PDE6C: variants seen among roughly 807,000 people sequenced by gnomAD.
PDE6C encodes the protein phosphodiesterase 6C.
Under a neutral mutation model 113.1 loss-of-function variants are expected in PDE6C, and 75 were observed. The ratio of observed to expected loss-of-function variants is 0.66; its 90% confidence interval spans 0.55 to 0.80. PDE6C has a LOEUF of 0.80. Ranked by LOEUF, PDE6C falls within the 30% of genes least tolerant of loss-of-function variation. The probability of loss-of-function intolerance (pLI) is 0.00; values close to 1 mark genes in which losing one functional copy is unlikely to be tolerated. For synonymous variants in PDE6C, 375 were observed against 363.7 expected (o/e 1.03, Z -0.35); for missense variants, 912 against 1,038.6 (o/e 0.88, Z 1.67).
intron 4 of PDE6C, among the ~76,000 whole-genome samples, chr10:93,623,116 A>G (rs528794893): frequency 5.5e-4 from 84 of 152,276 alleles, no homozygotes; most frequent in African/African-American, 1.9e-3. Flanking sequence ...AGCAGTTGTT[A>G]ATGTCAGTAT....
chr10:93,627,013 A>C, intron 7 of PDE6C, 142 bp downstream of exon 7: 1 of 734,068 alleles, frequency 1.4e-6, no homozygotes, highest in Admixed American at 2.1e-5. Flanking sequence ...CTGTAATCCC[A>C]GCACTTTGGG....
At chr10:93,652,350 C>T (rs2058613042) in intron 15 of PDE6C, among the ~76,000 whole-genome samples, 1 of 152,050 alleles carries the variant, frequency 6.6e-6, no homozygotes, top group African/African-American at 2.4e-5. Context: ...CTTTCAAGAA[C>T]CTCAGGTGTG....
chr10:93,635,140 G>A (rs1041232048), intron 9 of PDE6C, among the ~76,000 whole-genome samples: 1 of 151,904 alleles, frequency 6.6e-6, no homozygotes. Flanking sequence ...AATAATACTC[G>A]GAAAACAGGA....
chr10:93,613,056 G>A lies in PDE6C; in HGVS notation c.331G>A (p.Ala111Thr), dbSNP rs560963943. ...GTCCCGGAACGGCATACCTGAGGTG[G>A]CCTCTAGGTTGCTGGATGTCACCCC... is the stretch of plus-strand genomic sequence containing the variant. ...CRSRNGIPEVASRLLDVTPTS... is the reference protein window; with the variant it reads ...CRSRNGIPEVTSRLLDVTPTS... The change falls in exon 1 of 22, where the codon GCC becomes ACC. Residue 111 changes from alanine to threonine, a missense_variant. By Grantham distance (58) the Ala-to-Thr change is moderately conservative (BLOSUM62 0). Transcript: ENST00000371447. 2 of 1,614,114 alleles carry A rather than the reference G, an allele frequency of 1.2e-6. No individual in the cohort carries two copies. Among genetic ancestry groups the A allele is most frequent in the Non-Finnish European group, 1.7e-6 (2 of 1,180,058 alleles).
chr10:93,629,143 C>A (rs975610155), intron 7 of PDE6C, 115 bp from the exon 8 acceptor site: 25 of 868,174 alleles, frequency 2.9e-5, no homozygotes, highest in Middle Eastern at 2.2e-4. Flanking sequence ...CGCAAGCAGT[C>A]AAGAGCCGTG....
rs1437044272 is a variant in PDE6C, at chr10:93,635,659, C to T, written c.1413+19C>T. On this transcript the variant is annotated intron_variant, in intron 10 of 21. Transcript: ENST00000371447. ...CATTTTGGTAAGTGGGAAATTCAGT[C>T]CTGTGGACATAAGATGTTACCTAAC... The T allele has an allele frequency of 1.2e-6, 2 of 1,612,244 alleles. No homozygotes were observed. The highest frequency in any genetic ancestry group is 2.2e-5 in the East Asian group (1 of 44,846).
chr10:93,620,665 A>G lies in PDE6C; in HGVS notation c.514A>G (p.Thr172Ala), dbSNP rs1206938395. ...SHFSDFMDKQ[T>A]GYVTKNLLAT... Reference sequence around the variant, plus strand: ...TTTTTCTGACTTCATGGACAAGCAAACTGGGTATGTCACTAAGAACCTGCT... The same window carrying G: ...TTTTTCTGACTTCATGGACAAGCAAGCTGGGTATGTCACTAAGAACCTGCT... Residue 172 changes from threonine to alanine, a missense_variant, in exon 2 of 22, where the codon ACT becomes GCT. By Grantham distance (58) the Thr-to-Ala change is moderately conservative. Transcript: ENST00000371447. The G allele has an allele frequency of 1.2e-6, 2 of 1,614,054 alleles. No individual in the cohort carries two copies. The highest frequency in any genetic ancestry group is 2.2e-5 in the East Asian group (1 of 44,898).
chr10:93,656,060 A>G (rs1217828195), intron 16 of PDE6C, among the ~76,000 whole-genome samples, 200 bp downstream of exon 16: 1 of 152,226 alleles, frequency 6.6e-6, no homozygotes, highest in Non-Finnish European at 1.5e-5. Flanking sequence ...GCCTGCCAGT[A>G]AATTTACTAG....
intron 1 of PDE6C, among the ~76,000 whole-genome samples, chr10:93,620,307 T>A (rs1394123635): frequency 6.6e-6 from 1 of 152,200 alleles, no homozygotes; most frequent in Non-Finnish European, 1.5e-5. Context: ...CTGTCTATTG[T>A]AACCTTGTGC....
At chr10:93,626,618 T>C in intron 5 of PDE6C, 22 bp from the exon 6 acceptor site, 1 of 1,319,892 alleles carries the variant, frequency 7.6e-7, no homozygotes, top group Non-Finnish European at 1.1e-6. Context: ...ATTATTCCCA[T>C]AATATCCTCT....
intron 18 of PDE6C, among the ~76,000 whole-genome samples, chr10:93,660,676 G>A (rs558847706): frequency 6.6e-6 from 1 of 152,232 alleles, no homozygotes; most frequent in Admixed American, 6.5e-5. Context: ...AAAACCAAAT[G>A]CTTCCTCTCC....
At chr10:93,649,002 G>T (rs770631896) in intron 15 of PDE6C, among the ~76,000 whole-genome samples, 7 of 152,156 alleles carry the variant, frequency 4.6e-5, no homozygotes, top group Non-Finnish European at 8.8e-5. Flanking sequence ...GGCGTCATAG[G>T]CACCATGCTG....
At chr10:93,630,817 T>C (rs1049754663) in intron 8 of PDE6C, among the ~76,000 whole-genome samples, 10 of 152,164 alleles carry the variant, frequency 6.6e-5, no homozygotes, top group African/African-American at 2.4e-4. Flanking sequence ...TGCTCCTCCC[T>C]TTGCCGATTG....
chr10:93,650,140 C>A (rs1268007806), intron 15 of PDE6C, among the ~76,000 whole-genome samples: 1 of 152,186 alleles, frequency 6.6e-6, no homozygotes, highest in Non-Finnish European at 1.5e-5. Flanking sequence ...TGCAATCACA[C>A]AATTAGCACA....
chr10:93,641,223 C>T (rs1041432770), intron 14 of PDE6C, among the ~76,000 whole-genome samples, 194 bp downstream of exon 14: 4 of 152,148 alleles, frequency 2.6e-5, no homozygotes, highest in African/African-American at 7.2e-5. Context: ...TAGGTTCTTG[C>T]GTCCCCCTTT....
chr10:93,630,144 G>C (rs1233321217), intron 8 of PDE6C, among the ~76,000 whole-genome samples: 1 of 152,078 alleles, frequency 6.6e-6, no homozygotes, highest in Non-Finnish European at 1.5e-5. Context: ...TTCTCCTGCT[G>C]TTAGACTCGG....
At chr10:93,645,019 G>A (rs1314570674) in intron 14 of PDE6C, among the ~76,000 whole-genome samples, 1 of 151,612 alleles carries the variant, frequency 6.6e-6, no homozygotes, top group Non-Finnish European at 1.5e-5. Context: ...TTTGTTAAGT[G>A]AAATAAGCCA....
chr10:93,665,402 C>T lies in PDE6C; in HGVS notation c.2561C>T (p.Thr854Ile), dbSNP rs1320596390. The T allele has an allele frequency of 1.9e-6, 3 of 1,604,122 alleles. No individual in the cohort carries two copies. In the Admixed American group the frequency reaches 5.0e-5, roughly 27 times the overall value. Reference sequence around the variant, plus strand: ...GGTGGTGATGACAAAAAGTCCAAAACATGTTTAATGTTGTAATATTATCTA... The same window carrying T: ...GGTGGTGATGACAAAAAGTCCAAAATATGTTTAATGTTGTAATATTATCTA... ...SGGGDDKKSK[T>I]CLML The change falls in exon 22 of 22, where the codon ACA becomes ATA. Residue 854 changes from threonine (T) to isoleucine (I), a missense_variant. Transcript: ENST00000371447.
In PDE6C at chr10:93,634,773, G is replaced by A. The variant is rs148611776; in HGVS notation, c.1135G>A (p.Glu379Lys). ...TCGTTTGTAGAAAGGACCTGTAGACGAAACTGGTTGGGTCATTAAGAATGT... is the reference window on the plus strand; with the variant it reads ...TCGTTTGTAGAAAGGACCTGTAGACAAAACTGGTTGGGTCATTAAGAATGT... ...YFTFQKGPVDETGWVIKNVLS... is the reference protein window; with the variant it reads ...YFTFQKGPVDKTGWVIKNVLS... The change falls in exon 9 of 22, where the codon GAA becomes AAA. Residue 379 changes from glutamate (E) to lysine (K), a missense_variant. Coordinates refer to ENST00000371447, the MANE Select transcript of PDE6C (RefSeq NM_006204.4). 4.4e-5 allele frequency: 71 copies of A among 1,613,954 alleles called. No individual in the cohort carries two copies. The highest frequency in any genetic ancestry group is 5.0e-5 in the Non-Finnish European group (59 of 1,179,986).
Sources: allele counts gnomAD v4.1 joint callset (sites outside exome capture counted in the v4.1 genomes callset), GRCh38; gene constraint gnomAD v4.1.1; transcripts MANE v1.5; gene names NCBI Gene and HGNC (gene_info 2026-07-23, HGNC 2026-07-21).